Variants in SPSB3 observed in about 807,000 individuals in gnomAD.
The protein encoded by SPSB3 is splA/ryanodine receptor domain and SOCS box containing 3.
SPSB3 carries 18 observed loss-of-function variants against 29.5 expected under a neutral mutation model. That is an observed-to-expected ratio of 0.61 (90% CI 0.42 to 0.91). The LOEUF (loss-of-function observed/expected upper bound fraction) is 0.91. Among genes scored for constraint, SPSB3 ranks in the 40% least tolerant of loss-of-function variants. The probability of loss-of-function intolerance (pLI) is 0.00; values close to 1 mark genes in which losing one functional copy is unlikely to be tolerated. For missense variants in SPSB3, 540 were observed against 507.5 expected, an observed-to-expected ratio of 1.06 and a Z score of -0.61; for synonymous variants, 299 against 214.1, an observed-to-expected ratio of 1.40 and a Z score of -3.46.
chr16:1,782,491 C>G lies in SPSB3; in HGVS notation c.-13+11G>C, dbSNP rs893837876. 1.3e-5 allele frequency: 2 copies of G among 152,554 alleles called. No homozygotes were observed. The highest frequency in any genetic ancestry group is 2.4e-5 in the African/African-American group (1 of 41,462). 9.5% of individuals were successfully genotyped at this position (152,554 alleles called of 1,614,324 possible). A position where few individuals can be genotyped will look rare whatever the true frequency, so the allele number is the denominator to read the frequency against. ...AGAGCCCGAGACGTCGGCCCGTGCC[C>G]CGCCACTCACCTGCAGCCCCCGCTG... On this transcript the variant is annotated intron_variant, in intron 1 of 6. Transcript: ENST00000566339.
rs1014489687 is a variant in SPSB3, at chr16:1,777,027, G to A, written c.*70C>T. 1 of 1,524,452 alleles carries A rather than the reference G, an allele frequency of 6.6e-7. No individual in the cohort carries two copies. The highest frequency in any genetic ancestry group is 1.2e-5 in the South Asian group (1 of 81,568). The allele number at this position is 1,524,452 out of a possible 1,614,324, so 94.4% of individuals were successfully genotyped here. ...GCCCTGGAGTGTGGCTGGAAGGAAGGGACAGAGAAAGAAGGGACAGAGGAA... is the reference window on the plus strand; with the variant it reads ...GCCCTGGAGTGTGGCTGGAAGGAAGAGACAGAGAAAGAAGGGACAGAGGAA... On this transcript the variant is annotated 3_prime_UTR_variant, in exon 7 of 7. Coordinates refer to ENST00000566339, the MANE Select transcript of SPSB3 (RefSeq NM_080861.4).
intron 6 of SPSB3, 41 bp downstream of exon 6, chr16:1,777,706 G>A: frequency 6.2e-7 from 1 of 1,603,302 alleles, no homozygotes; most frequent in African/African-American, 1.3e-5. Flanking sequence ...CCTCCCTCGG[G>A]GTGACAGCTG....
At chr16:1,778,749 A>AC (rs1257221431) in intron 2 of SPSB3, 137 bp from the exon 3 acceptor site, 5 of 948,874 alleles carry the variant, frequency 5.3e-6, no homozygotes, top group Admixed American at 6.3e-5. Context: ...ACTTCACAGT[A>AC]CCCCGAGCGC....
At position 1,776,900 on chromosome 16, in the gene SPSB3, A is replaced by T. The variant is rs117713814; in HGVS notation, c.*197T>A. 395 of 651,318 alleles carry T rather than the reference A, an allele frequency of 6.1e-4. 8 individuals are homozygous for T. The East Asian group carries it at 0.011, about 18-fold the overall frequency. The allele number at this position is 651,318 out of a possible 1,614,324, so 40.3% of individuals were successfully genotyped here. On this transcript the variant is annotated 3_prime_UTR_variant, in exon 7 of 7. Coordinates refer to ENST00000566339, the MANE Select transcript of SPSB3 (RefSeq NM_080861.4). The stretch of plus-strand genomic sequence containing the variant: ...TGGGGCTCAGGGCAGCCGCTTCCCC[A>T]CCCAGCACAGCAGCAGAGGGGCCCT...
intron 3 of SPSB3, 51 bp downstream of exon 3, chr16:1,778,384 C>G: frequency 6.2e-7 from 1 of 1,606,688 alleles, no homozygotes; most frequent in Non-Finnish European, 8.5e-7. Context: ...CCTGCCCACC[C>G]CCAGGCCCGC....
At chr16:1,779,577 G>A (rs1896643535) in intron 2 of SPSB3, 1 of 152,466 alleles carries the variant, frequency 6.6e-6, no homozygotes, top group African/African-American at 2.4e-5. Context: ...GGCAGGCCCA[G>A]ACAACTCTAC....
rs2042739670 is a variant in SPSB3, at chr16:1,778,018, G to A, written c.523C>T (p.Leu175=). 1 of 1,613,234 alleles carries A rather than the reference G, an allele frequency of 6.2e-7. No homozygotes were observed. Among genetic ancestry groups the A allele is most frequent in the Non-Finnish European group, 8.5e-7 (1 of 1,179,994 alleles). The change falls in exon 5 of 7, where the codon CTG becomes TTG. Residue 175 remains leucine (L), a synonymous_variant. Transcript: ENST00000566339. The part of the protein sequence containing the change: ...MVGIGTSDVD[L]DKYRHTFCSL... ...CAGAACGTGTGGCGGTATTTGTCCA[G>A]GTCCACATCCGACGTCCCGATGCCC...
Position 1,778,454 on chromosome 16 carries a change from G to A in SPSB3, c.285C>T (p.Arg95=). 2 of 1,610,488 alleles carry A rather than the reference G, an allele frequency of 1.2e-6. No homozygotes were observed. Among genetic ancestry groups the A allele is most frequent in the East Asian group, 2.2e-5 (1 of 44,812 alleles). The change falls in exon 3 of 7, where the codon CGC becomes CGT. Residue 95 remains arginine (R), a synonymous_variant. Transcript: ENST00000566339. ...GCTCACACTCGTCTTCCTCTCCGCA[G>A]CGGCAGTCCCTGCCCCGGTGGGCCG... ...LHSAHRGRDC[R]CGEEDEYFDW... is the part of the protein sequence containing the mutation.
intron 6 of SPSB3, 98 bp downstream of exon 6, chr16:1,777,649 C>T: frequency 6.5e-7 from 1 of 1,549,298 alleles, no homozygotes; most frequent in East Asian, 2.3e-5. Flanking sequence ...CTGGGAGGAA[C>T]CCTTTCAGAA....
At position 1,778,597 on chromosome 16, in the gene SPSB3, A is replaced by G; in HGVS notation, c.142T>C (p.Ser48Pro). The G allele has an allele frequency of 6.4e-7, 1 of 1,566,666 alleles. No homozygotes were observed. ...GGCAGCGTGGAGTACTCGGGGTCGGAGTCCGAGTCGCTGTGCTGGGAGAGA... is the reference window on the plus strand; with the variant it reads ...GGCAGCGTGGAGTACTCGGGGTCGGGGTCCGAGTCGCTGTGCTGGGAGAGA... ...DSDGQHSDSD[S>P]DPEYSTLPPS... is the part of the protein sequence containing the mutation. Residue 48 changes from serine to proline, a missense_variant, in exon 3 of 7, where the codon TCC becomes CCC. Physicochemically the swap from Ser to Pro is moderately conservative, Grantham distance 74. Coordinates refer to ENST00000566339, the MANE Select transcript of SPSB3 (RefSeq NM_080861.4).
chr16:1,782,480 C>T (rs1039030260), intron 1 of SPSB3, 22 bp downstream of exon 1: 4 of 152,366 alleles, frequency 2.6e-5, no homozygotes, highest in Admixed American at 2.0e-4. Context: ...CCCGAGACGT[C>T]GGCCCGTGCC....
At chr16:1,781,662 G>A (rs1050918319) in intron 1 of SPSB3, 167 bp from the exon 2 acceptor site, 1 of 663,032 alleles carries the variant, frequency 1.5e-6, no homozygotes, top group Non-Finnish European at 2.6e-6. Context: ...TCCAGGATCT[G>A]AGCAGCTCAA....
At chr16:1,780,798 T>C (rs763873539) in intron 2 of SPSB3, 10 of 250,188 alleles carry the variant, frequency 4.0e-5, no homozygotes, top group African/African-American at 6.8e-5. Context: ...ACTGGTGTGA[T>C]CACGGCTCAC....
chr16:1,777,238 T>C lies in SPSB3; in HGVS notation c.927A>G (p.Leu309=), dbSNP rs1357522387. 6.2e-7 allele frequency: 1 copy of C among 1,610,800 alleles called. No individual in the cohort carries two copies. The highest frequency in any genetic ancestry group is 2.2e-5 in the East Asian group (1 of 44,882). Residue 309 remains leucine, a synonymous_variant, in exon 7 of 7, where the codon CTA becomes CTG. Coordinates refer to ENST00000566339, the MANE Select transcript of SPSB3 (RefSeq NM_080861.4). ...LPLPPGLKQV[L]HNKLGWVLSM... is the part of the protein sequence containing the mutation. ...TCAGGACCCAGCCCAGCTTGTTGTG[T>C]AGCACCTGCTTGAGGCCCGGCGGCA...
rs925616680 is a variant in SPSB3, at chr16:1,777,212, C to G, written c.953G>C (p.Ser318Thr). ...VLHNKLGWVL[S>T]MSCSRRKAPV... ...AGCCTTGCGGCGGCTGCAACTCATGCTCAGGACCCAGCCCAGCTTGTTGTG... is the reference window on the plus strand; with the variant it reads ...AGCCTTGCGGCGGCTGCAACTCATGGTCAGGACCCAGCCCAGCTTGTTGTG... The change falls in exon 7 of 7, where the codon AGC becomes ACC. Residue 318 changes from serine to threonine, a missense_variant. By Grantham distance (58) the Ser-to-Thr change is moderately conservative (BLOSUM62 1). Transcript: ENST00000566339. 1 of 1,610,612 alleles carries G rather than the reference C, an allele frequency of 6.2e-7. No individual in the cohort carries two copies. The highest frequency in any genetic ancestry group is 8.5e-7 in the Non-Finnish European group (1 of 1,179,856).
Position 1,778,311 on chromosome 16 carries a change from C to G in SPSB3, c.315G>C (p.Trp105Cys). The change falls in exon 4 of 7, where the codon TGG becomes TGC. Residue 105 changes from tryptophan (W) to cysteine (C), a missense_variant. By Grantham distance (215) the Trp-to-Cys change is radical. Transcript: ENST00000566339. ...RCGEEDEYFD[W>C]VWDDLNKSSA... is the part of the protein sequence containing the mutation. ...ATGACTTATTTAAGTCATCCCAGAC[C>G]CAGTCGAAATCTGCAAGAGAGGCCC... The G allele has an allele frequency of 6.2e-7, 1 of 1,612,334 alleles. No individual in the cohort carries two copies. The highest frequency in any genetic ancestry group is 8.5e-7 in the Non-Finnish European group (1 of 1,179,980).
Position 1,778,331 on chromosome 16 carries a change from A to G in SPSB3, c.305-10T>C. The G allele has an allele frequency of 6.2e-7, 1 of 1,611,934 alleles. No individual in the cohort carries two copies. The highest frequency in any genetic ancestry group is 8.5e-7 in the Non-Finnish European group (1 of 1,179,914). On this transcript the variant is annotated splice_polypyrimidine_tract_variant and intron_variant, in intron 3 of 6. Transcript: ENST00000566339. ...CAGACCCAGTCGAAATCTGCAAGAG[A>G]GGCCCAGGCTGGGGCAGCCCTGAGA...
At position 1,777,184 on chromosome 16, in the gene SPSB3, T is replaced by C. The variant is rs772916238; in HGVS notation, c.981A>G (p.Pro327=). The change falls in exon 7 of 7, where the codon CCA becomes CCG. Residue 327 remains proline, a synonymous_variant. Transcript: ENST00000566339. ...LSMSCSRRKA[P]VSDPQAATSA... is the part of the protein sequence containing the mutation. ...AGGTCGCTGCCTGGGGATCGGACAC[T>C]GGAGCCTTGCGGCGGCTGCAACTCA... The C allele has an allele frequency of 1.9e-6, 3 of 1,610,732 alleles. No individual in the cohort carries two copies. Among genetic ancestry groups the C allele is most frequent in the African/African-American group, 2.7e-5 (2 of 74,902 alleles).
Position 1,777,689 on chromosome 16 carries a change from G to A in SPSB3, c.721+58C>T, listed in dbSNP as rs571066473. ...TCAGTGTCCCCTGGGCTGGGGCGGG[G>A]TGGCTGCCTCCCTCGGGGTGACAGC... On this transcript the variant is annotated intron_variant, in intron 6 of 6. Transcript: ENST00000566339. 2.1e-5 allele frequency: 33 copies of A among 1,597,504 alleles called. 1 individual carries two copies. The South Asian group carries it at 3.1e-4, about 15-fold the overall frequency.
Sources: allele counts gnomAD v4.1 joint callset, GRCh38; gene constraint gnomAD v4.1.1; transcripts MANE v1.5; gene names NCBI Gene and HGNC (gene_info 2026-07-23, HGNC 2026-07-21).